The following ADGRD2 variants were observed in gnomAD, a reference collection of about 807,000 sequenced individuals.
ADGRD2 encodes adhesion G protein-coupled receptor D2, also known as G protein-coupled receptor PGR24.
ADGRD2 carries 71 observed loss-of-function variants against 44.4 expected under a neutral mutation model. The observed-to-expected ratio is 1.60, with a 90% CI of 1.32 to 1.95. The LOEUF (loss-of-function observed/expected upper bound fraction) is 1.95. Among genes scored for constraint, ADGRD2 ranks in the 30% most tolerant of loss-of-function variants. The pLI, the probability that ADGRD2 is intolerant of heterozygous loss-of-function variation, is 0.00. For missense variants in ADGRD2, 1,039 were observed against 512.4 expected (o/e 2.03, Z -9.92); for synonymous variants, 481 against 224.8 (o/e 2.14, Z -10.19).
At chr9:124,463,939 G>A (rs867357582) in intron 10 of ADGRD2, among the ~76,000 whole-genome samples, 20 of 152,236 alleles carry the variant, frequency 1.3e-4, no homozygotes, top group Admixed American at 2.6e-4. Context: ...CTGGGATCAA[G>A]CGATCCTTCC....
At chr9:124,467,426 T>A in intron 11 of ADGRD2, 1 of 330,316 alleles carries the variant, frequency 3.0e-6, no homozygotes, top group Non-Finnish European at 5.6e-6. Flanking sequence ...CTGATGATAC[T>A]CCATGGTCCC....
upstream of ADGRD2, chr9:124,452,007 C>A: frequency 3.0e-6 from 1 of 329,570 alleles, no homozygotes; most frequent in South Asian, 2.3e-5. Context: ...GCCCCCCTCC[C>A]ACCCACCCCC....
intron 3 of ADGRD2, 35 bp from the exon 7 acceptor site, chr9:124,453,964 C>G: frequency 1.6e-6 from 1 of 637,474 alleles, no homozygotes; most frequent in Non-Finnish European, 2.8e-6. Flanking sequence ...CCAGGGTCCC[C>G]TAGGGAGCCC....
At position 124,452,162 on chromosome 9, in the gene ADGRD2, T is replaced by A. The variant is rs746900865; in HGVS notation, c.68+4T>A. 1.4e-6 allele frequency: 1 copy of A among 715,602 alleles called. No individual in the cohort carries two copies. The highest frequency in any genetic ancestry group is 1.5e-5 in the South Asian group (1 of 67,300). The allele number at this position is 715,602 out of a possible 1,614,324, so 44.3% of individuals were successfully genotyped here. ...GGAACCCTTGGGCCCCAGGTTGGTA[T>A]GAGGGATCCCCCCAGGGAGGGTCCC... is the stretch of plus-strand genomic sequence containing the variant. On this transcript the variant is annotated splice_donor_region_variant and intron_variant, in intron 1 of 21. Coordinates refer to ENST00000334810, the Ensembl canonical transcript of ADGRD2.
chr9:124,462,665 G>A (rs13289487), intron 10 of ADGRD2, among the ~76,000 whole-genome samples: 296 of 152,164 alleles, frequency 1.9e-3, no homozygotes, highest in African/African-American at 3.2e-3. Flanking sequence ...GGATATTACC[G>A]GAAATGATAT....
exon 14 of ADGRD2, chr9:124,468,541 T>C: frequency 1.4e-6 from 1 of 718,588 alleles, no homozygotes; most frequent in Non-Finnish European, 2.6e-6. Flanking sequence ...GCTGTCACAG[T>C]CGCAATGCAC....
chr9:124,458,629 C>T lies in ADGRD2; in HGVS notation c.1780C>T (p.Gln594Ter). 1 of 718,826 alleles carries T rather than the reference C, an allele frequency of 1.4e-6. No individual in the cohort carries two copies. The highest frequency in any genetic ancestry group is 2.6e-6 in the Non-Finnish European group (1 of 385,094). The allele number at this position is 718,826 out of a possible 1,614,324, so 44.5% of individuals were successfully genotyped here. Residue 594 changes from glutamine to a stop codon, truncating the protein, a stop_gained, in exon 10 of 22, where the codon CAG becomes TAG. Coordinates refer to ENST00000334810, the Ensembl canonical transcript of ADGRD2. LOFTEE classifies it high-confidence loss of function. ...TTCTTCCCACAGGTTCCTAAGCACCCAGGTGGGGTCAGCCATCATCTCCTC... is the reference window on the plus strand; with the variant it reads ...TTCTTCCCACAGGTTCCTAAGCACCTAGGTGGGGTCAGCCATCATCTCCTC...
chr9:124,463,961 C>T (rs1831766251), intron 10 of ADGRD2, among the ~76,000 whole-genome samples: 1 of 152,118 alleles, frequency 6.6e-6, no homozygotes, highest in Non-Finnish European at 1.5e-5. Context: ...GCTCACCCTC[C>T]CAAGTAGGTG....
chr9:124,476,774 C>T lies in ADGRD2; in HGVS notation c.*18+65C>T, dbSNP rs551130042. On this transcript the variant is annotated intron_variant, in intron 21 of 21. Coordinates refer to ENST00000334810, the Ensembl canonical transcript of ADGRD2. ...GGGCCTGGACACCCCCTAAGCCCCC[C>T]GTACCAGGATGGAAGTGATTTCAAA... 725 of 676,932 alleles carry T rather than the reference C, an allele frequency of 1.1e-3. 4 individuals carry two copies. The African/African-American group carries it at 0.011, about 11-fold the overall frequency. 41.9% of individuals were successfully genotyped at this position (676,932 alleles called of 1,614,324 possible). A position where few individuals can be genotyped will look rare whatever the true frequency, so the allele number is the denominator to read the frequency against.
At position 124,470,399 on chromosome 9, in the gene ADGRD2, C is replaced by T. The variant is rs146448565; in HGVS notation, c.2638-95C>T. On this transcript the variant is annotated intron_variant, in intron 16 of 21. Coordinates refer to ENST00000334810, the Ensembl canonical transcript of ADGRD2. The stretch of plus-strand genomic sequence containing the variant: ...TGGTCCCGGCCCTCAGCTCCCACCC[C>T]GCTCCAGGCACGTACAGGTGCTGCT... 2,385 of 628,292 alleles carry T rather than the reference C, an allele frequency of 3.8e-3. 48 individuals carry two copies. The African/African-American group carries it at 0.039, about 10-fold the overall frequency. 38.9% of individuals were successfully genotyped at this position (628,292 alleles called of 1,614,324 possible). A position where few individuals can be genotyped will look rare whatever the true frequency, so the allele number is the denominator to read the frequency against.
At chr9:124,458,192 G>C in exon 9 of ADGRD2, 1 of 718,516 alleles carries the variant, frequency 1.4e-6, no homozygotes, top group Non-Finnish European at 2.6e-6. Context: ...CGGACCTAGA[G>C]CCCCAGGCCC....
At chr9:124,452,799 C>A (rs1213791961) in intron 2 of ADGRD2, 77 bp downstream of exon 5, 1 of 660,852 alleles carries the variant, frequency 1.5e-6, no homozygotes, top group South Asian at 1.6e-5. Flanking sequence ...CCCACAGTGA[C>A]AATATTTGCA....
chr9:124,454,169 G>A lies in ADGRD2; in HGVS notation c.1022+72G>A, dbSNP rs1831568123. On this transcript the variant is annotated intron_variant, in intron 4 of 21. Coordinates refer to ENST00000334810, the Ensembl canonical transcript of ADGRD2. The surrounding 1 kb of genome is among the most constrained non-coding windows in gnomAD (Gnocchi z 4.5). ...GTGGACCGGAGTAGACTGAGAGGGG[G>A]TGAGCTGCTGGCAAAGTCTGGGAAT... 1.6e-6 allele frequency: 1 copy of A among 610,058 alleles called. No individual in the cohort carries two copies. Among genetic ancestry groups the A allele is most frequent in the South Asian group, 2.0e-5 (1 of 51,188 alleles). 37.8% of individuals were successfully genotyped at this position (610,058 alleles called of 1,614,324 possible). A position where few individuals can be genotyped will look rare whatever the true frequency, so the allele number is the denominator to read the frequency against.
exon 3 of ADGRD2, chr9:124,453,627 C>A (rs1282295427): frequency 2.9e-6 from 2 of 701,074 alleles, no homozygotes; most frequent in Middle Eastern, 2.6e-4. Context: ...GCGCCCTGGA[C>A]GTCACGCCCT....
intron 10 of ADGRD2, among the ~76,000 whole-genome samples, chr9:124,462,572 T>G (rs1402636033): frequency 2.0e-5 from 3 of 152,222 alleles, no homozygotes; most frequent in Non-Finnish European, 4.4e-5. Context: ...TTTTTACATT[T>G]TTTTCTCAGT....
chr9:124,453,432 C>A, exon 3 of ADGRD2: 1 of 659,744 alleles, frequency 1.5e-6, no homozygotes. Context: ...CGGTGCCGTC[C>A]GGCGGCATCC....
At chr9:124,461,685 T>C (rs1461541871) in intron 10 of ADGRD2, among the ~76,000 whole-genome samples, 1 of 152,110 alleles carries the variant, frequency 6.6e-6, no homozygotes, top group African/African-American at 2.4e-5. Context: ...AATGTGCCTG[T>C]ATAGTAAGCC....
exon 15 of ADGRD2, chr9:124,469,323 G>A (rs1233222386): frequency 2.8e-6 from 2 of 718,188 alleles, no homozygotes; most frequent in African/African-American, 1.7e-5. Context: ...TGCCATCTGG[G>A]CCTTCGTGGG....
At chr9:124,466,627 T>C (rs901820272) in intron 11 of ADGRD2, 2 of 376,872 alleles carry the variant, frequency 5.3e-6, no homozygotes, top group Non-Finnish European at 9.5e-6. Context: ...CTGGGCAACA[T>C]GGCAAAACCC....
Sources: gnomAD v4.1 joint callset for allele counts (sites outside exome capture counted in the v4.1 genomes callset) on GRCh38, gnomAD v4.1.1 for gene constraint, Gnocchi (gnomAD v3.1) non-coding constraint, MANE v1.5 for transcripts, NCBI Gene and HGNC (gene_info 2026-07-23, HGNC 2026-07-21) for gene names.